KLRF2: variants seen among roughly 807,000 people sequenced by gnomAD.
The protein encoded by KLRF2 is killer cell lectin-like receptor subfamily F member 2.
KLRF2 carries 28 observed loss-of-function variants against 25.3 expected under a neutral mutation model. That is an observed-to-expected ratio of 1.11 (90% confidence interval 0.82 to 1.52). KLRF2 has a LOEUF of 1.52. Ranked by LOEUF, KLRF2 falls within the 40% of genes most tolerant of loss-of-function variation. The pLI is 0.00. For missense variants in KLRF2, 265 were observed against 245.8 expected (o/e 1.08, Z -0.52); for synonymous variants, 73 against 85.0 (o/e 0.86, Z 0.78).
Position 9,884,878 on chromosome 12 carries a change from CAG to C in KLRF2, c.71-54_71-53del, listed in dbSNP as rs559334800. The C allele has an allele frequency of 6.8e-4, 374 of 549,894 alleles. 2 individuals are homozygous for C. Among genetic ancestry groups the C allele is most frequent in the Middle Eastern group, 4.2e-3 (10 of 2,394 alleles). The allele number at this position is 549,894 out of a possible 1,614,324, so 34.1% of individuals were successfully genotyped here. ...AGTTGTCTCTGTAATAAAAATGAAA[CAG>C]AAAAATATTTATAAAGTGAATAATC... On this transcript the variant is annotated intron_variant, in intron 1 of 5. Transcript: ENST00000535540.
chr12:9,887,408 G>A (rs1488634001), intron 2 of KLRF2, among the ~76,000 whole-genome samples: 3 of 152,040 alleles, frequency 2.0e-5, no homozygotes, highest in Non-Finnish European at 4.4e-5. Flanking sequence ...ATTTTTAAAC[G>A]CACCTAAAAA....
intron 2 of KLRF2, among the ~76,000 whole-genome samples, chr12:9,887,228 A>G (rs866138083): frequency 1.3e-5 from 2 of 152,180 alleles, no homozygotes; most frequent in African/African-American, 4.8e-5. Context: ...ACAAGAACCC[A>G]CTAAGTTCGG....
At chr12:9,890,562 C>A (rs1285294046) in intron 3 of KLRF2, among the ~76,000 whole-genome samples, 1 of 152,172 alleles carries the variant, frequency 6.6e-6, no homozygotes, top group Non-Finnish European at 1.5e-5. Flanking sequence ...CCTCCCGAAA[C>A]ATGGAAGCTG....
In KLRF2 at chr12:9,893,208, A is replaced by G. The variant is rs760377944; in HGVS notation, c.366+40A>G. The G allele has an allele frequency of 2.0e-6, 3 of 1,509,724 alleles. No individual in the cohort carries two copies. In the South Asian group the frequency reaches 3.7e-5, roughly 19 times the overall value. 93.5% of individuals were successfully genotyped at this position (1,509,724 alleles called of 1,614,324 possible). A position where few individuals can be genotyped will look rare whatever the true frequency, so the allele number is the denominator to read the frequency against. On this transcript the variant is annotated intron_variant, in intron 4 of 5. Coordinates refer to ENST00000535540, the MANE Select transcript of KLRF2 (RefSeq NM_001190765.1). The stretch of plus-strand genomic sequence containing the variant: ...ACAGGATCTAACTGCACAAGGAAAA[A>G]TGGCTTAGGTGCAAGTTCACTGCCT...
At chr12:9,892,876 G>A (rs1206442627) in intron 3 of KLRF2, 144 bp from the exon 4 acceptor site, 19 of 611,514 alleles carry the variant, frequency 3.1e-5, no homozygotes, top group South Asian at 2.8e-4. Flanking sequence ...GAGCCACCGC[G>A]CCTGGTCTGA....
At chr12:9,888,657 G>C in intron 2 of KLRF2, 76 bp from the exon 3 acceptor site, 1 of 792,390 alleles carries the variant, frequency 1.3e-6, no homozygotes, top group Non-Finnish European at 2.1e-6. Context: ...TTTTCTGCTG[G>C]TACTTTATTC....
At chr12:9,895,614 T>A in intron 5 of KLRF2, 75 bp from the exon 6 acceptor site, 1 of 1,365,098 alleles carries the variant, frequency 7.3e-7, no homozygotes, top group Admixed American at 2.9e-5. Context: ...TATAAAAGTT[T>A]GGCTGGAGAA....
At chr12:9,885,263 TA>T (rs1868136895) in intron 2 of KLRF2, among the ~76,000 whole-genome samples, 1 of 151,654 alleles carries the variant, frequency 6.6e-6, no homozygotes. Flanking sequence ...ATCTTATAAT[TA>T]AAAAAGTAAT....
intron 2 of KLRF2, among the ~76,000 whole-genome samples, chr12:9,885,426 C>T (rs1414486349): frequency 6.6e-6 from 1 of 151,634 alleles, no homozygotes; most frequent in Admixed American, 6.6e-5. Context: ...TATGTGTATA[C>T]TGTAGCTATT....
Position 9,893,109 on chromosome 12 carries a change from C to A in KLRF2, c.307C>A (p.Gln103Lys), listed in dbSNP as rs1862700294. Residue 103 changes from glutamine (Q) to lysine (K), a missense_variant, in exon 4 of 6, where the codon CAA (glutamine) becomes AAA (lysine). By Grantham distance (53) the Gln-to-Lys change is moderately conservative (BLOSUM62 1). Transcript: ENST00000535540. ...TTCTTTTAAAACGTGGAAAGAGAGT[C>A]AACGTGATTGTACACAGCTACAGGC... ...STSFKTWKES[Q>K]RDCTQLQAHL... 1.3e-6 allele frequency: 2 copies of A among 1,535,484 alleles called. No homozygotes were observed. Among genetic ancestry groups the A allele is most frequent in the South Asian group, 1.2e-5 (1 of 84,016 alleles).
At chr12:9,889,534 T>A (rs555807902) in intron 3 of KLRF2, among the ~76,000 whole-genome samples, 2 of 152,214 alleles carry the variant, frequency 1.3e-5, no homozygotes, top group East Asian at 3.9e-4. Context: ...AGATATAATA[T>A]TAATTTTTCC....
In KLRF2 at chr12:9,884,697, G is replaced by T. The variant is rs571996025; in HGVS notation, c.71-237G>T. 4.0e-5 allele frequency among the ~76,000 whole-genome samples: 6 copies of T among 150,088 alleles called. No individual in the cohort carries two copies. In the South Asian group the frequency reaches 1.3e-3, roughly 31 times the overall value. ...ATGGAATTTAAGACATCATTTTTAG[G>T]TCCTCAAAAACACCACCAAATAATT... is the stretch of plus-strand genomic sequence containing the variant. On this transcript the variant is annotated intron_variant, in intron 1 of 5. Transcript: ENST00000535540.
intron 2 of KLRF2, among the ~76,000 whole-genome samples, chr12:9,886,763 CAAAAAAAAA>C (rs770999069): frequency 9.7e-6 from 1 of 103,520 alleles, no homozygotes; most frequent in African/African-American, 3.8e-5. Context: ...CTATATCATG[CAAAAAAAAA>C]AAAAAAAAAA....
intron 3 of KLRF2, among the ~76,000 whole-genome samples, chr12:9,892,082 G>A (rs1156524052): frequency 6.6e-6 from 1 of 152,174 alleles, no homozygotes; most frequent in Admixed American, 6.5e-5. Context: ...CAAGTGAATA[G>A]GATGTAAACC....
chr12:9,890,614 A>G (rs1290006407), intron 3 of KLRF2, among the ~76,000 whole-genome samples: 1 of 152,222 alleles, frequency 6.6e-6, no homozygotes, highest in African/African-American at 2.4e-5. Context: ...TCTTCAGGAA[A>G]GGCCTCAACC....
chr12:9,891,047 ATT>A (rs200627186), intron 3 of KLRF2, among the ~76,000 whole-genome samples: 5 of 137,884 alleles, frequency 3.6e-5, no homozygotes, highest in Admixed American at 7.2e-5. Flanking sequence ...CCTCCTTTTA[ATT>A]TTTTTTTTTT....
chr12:9,884,963 C>A lies in KLRF2; in HGVS notation c.100C>A (p.Leu34Ile). Residue 34 changes from leucine (L) to isoleucine (I), a missense_variant, in exon 2 of 6, where the codon CTT becomes ATT. By Grantham distance (5) the Leu-to-Ile change is conservative. Coordinates refer to ENST00000535540, the MANE Select transcript of KLRF2 (RefSeq NM_001190765.1). ...CTCCCTATATCCACAATATTATTGT[C>A]TTCTGCTCATATTTGGATGCATTGT... ...DFSLYPQYYCLLLIFGCIVIL... is the reference protein window; with the variant it reads ...DFSLYPQYYCILLIFGCIVIL... 7.6e-7 allele frequency: 1 copy of A among 1,323,666 alleles called. No individual in the cohort carries two copies. The highest frequency in any genetic ancestry group is 9.8e-7 in the Non-Finnish European group (1 of 1,023,668). The allele number at this position is 1,323,666 out of a possible 1,614,324, so 82.0% of individuals were successfully genotyped here. A position where few individuals can be genotyped will look rare whatever the true frequency, so the allele number is the denominator to read the frequency against.
At chr12:9,890,461 A>G (rs558231006) in intron 3 of KLRF2, among the ~76,000 whole-genome samples, 1 of 152,282 alleles carries the variant, frequency 6.6e-6, no homozygotes, top group East Asian at 1.9e-4. Context: ...TGTAGGGTAC[A>G]GGTTACTGCT....
chr12:9,894,244 T>C (rs1862728271), intron 5 of KLRF2, among the ~76,000 whole-genome samples: 1 of 151,202 alleles, frequency 6.6e-6, no homozygotes, highest in African/African-American at 2.4e-5. Flanking sequence ...TGCAGTGGCA[T>C]GATCGTGGCT....
Sources: allele counts gnomAD v4.1 joint callset (sites outside exome capture counted in the v4.1 genomes callset), GRCh38; gene constraint gnomAD v4.1.1; transcripts MANE v1.5; gene names NCBI Gene and HGNC (gene_info 2026-07-23, HGNC 2026-07-21).